Variants in TTN observed in about 807,000 individuals in gnomAD.
TTN encodes titin, also known as connectin.
In TTN, 1,525 loss-of-function variants were observed where a neutral mutation model predicts 3,223.0. That is an observed-to-expected ratio of 0.47 (90% confidence interval 0.45 to 0.49). The LOEUF is 0.49. Among genes scored for constraint, TTN ranks in the 20% least tolerant of loss-of-function variants. The pLI, the probability that TTN is intolerant of heterozygous loss-of-function variation, is 0.00. For missense variants in TTN, 40,786 were observed against 43,424.0 expected, an observed-to-expected ratio of 0.94 and a Z score of 5.40; for synonymous variants, 14,094 against 15,161.0, an observed-to-expected ratio of 0.93 and a Z score of 5.17.
At position 178,775,015 on chromosome 2, in the gene TTN, G is replaced by A. The variant is rs1421579071; in HGVS notation, c.6696C>T (p.Ser2232=). Residue 2232 remains serine, a synonymous_variant, in exon 29 of 363, where the codon TCC becomes TCT. Coordinates refer to ENST00000589042, the MANE Select transcript of TTN (RefSeq NM_001267550.2). ...CATCAGACGTATCAATGGTCAGTAT[G>A]GAGAGGAAGTGAACCTTTCTGTCAG... ...MHSDRKVHFL[S]ILTIDTSDAE... 1 of 1,613,946 alleles carries A rather than the reference G, an allele frequency of 6.2e-7. No individual in the cohort carries two copies. The highest frequency in any genetic ancestry group is 1.7e-5 in the Admixed American group (1 of 60,004).
chr2:178,701,293 T>C, intron 110 of TTN, 90 bp from the exon 111 acceptor site: 4 of 1,227,792 alleles, frequency 3.3e-6, no homozygotes, highest in Middle Eastern at 2.0e-4. Flanking sequence ...CTTTCAGTAC[T>C]TCATAGGTAT....
At position 178,740,412 on chromosome 2, in the gene TTN, C is replaced by T. The variant is rs200348414; in HGVS notation, c.12821G>A (p.Ser4274Asn). 1.6e-4 allele frequency: 255 copies of T among 1,612,978 alleles called. 1 individual carries two copies. The highest frequency in any genetic ancestry group is 2.1e-4 in the Non-Finnish European group (244 of 1,179,478). Residue 4274 changes from serine (S) to asparagine (N), a missense_variant, in exon 48 of 363, where the codon AGT (serine) becomes AAT (asparagine). Coordinates refer to ENST00000589042, the MANE Select transcript of TTN (RefSeq NM_001267550.2). ...GATCATGACATCAGGACTCTGGAGA[C>T]TCTCCACGTGTCCCTCAGCTAAGCT... ...SQSLAEGHVE[S>N]LQSPDVMISQ...
Position 178,800,552 on chromosome 2 carries a change from G to C in TTN, c.426C>G (p.Ala142=). ...TPVVKFYRDG[A]EIQSSLDFQI... ...GGAAATCAAGGGAGCTCTGGATTTCGGCTCCATCCCGGTAGAACTTCACCA... is the reference window on the plus strand; with the variant it reads ...GGAAATCAAGGGAGCTCTGGATTTCCGCTCCATCCCGGTAGAACTTCACCA... Residue 142 remains alanine, a synonymous_variant, in exon 4 of 363, where the codon GCC becomes GCG. Coordinates refer to ENST00000589042, the MANE Select transcript of TTN (RefSeq NM_001267550.2). The C allele has an allele frequency of 1.9e-6, 3 of 1,614,108 alleles. No homozygotes were observed. The highest frequency in any genetic ancestry group is 2.5e-6 in the Non-Finnish European group (3 of 1,180,002).
intron 29 of TTN, 67 bp from the exon 30 acceptor site, chr2:178,774,540 G>A: frequency 6.7e-7 from 1 of 1,493,880 alleles, no homozygotes; most frequent in Non-Finnish European, 9.2e-7. Context: ...TTAGGATAGA[G>A]ATGATGTCTT....
rs55886356 is a variant in TTN at position 178,534,849 on chromosome 2, C to G, written c.101766G>C (p.Gln33922His). 16,124 of 1,608,876 alleles carry G rather than the reference C, an allele frequency of 0.01. 112 individuals carry two copies. Among genetic ancestry groups the G allele is most frequent in the Admixed American group, 0.012 (748 of 60,000 alleles). ...NEREIVSYVH[Q>H]VCEALQFLHS... ...GTAAAAACTGAAGTGCTTCACAGAC[C>G]TGGTGAACATAACTTACAATTTCTC... The change falls in exon 358 of 363, where the codon CAG (glutamine) becomes CAC (histidine). Residue 33922 changes from glutamine to histidine, a missense_variant. Coordinates refer to ENST00000589042, the MANE Select transcript of TTN (RefSeq NM_001267550.2).
At position 178,538,528 on chromosome 2, in the gene TTN, A is replaced by T; in HGVS notation, c.99289+12T>A. ...TTTGTAAATCATAAGTAGAGAACCA[A>T]AGGCTACTTACATGTGAGTTTAGTC... On this transcript the variant is annotated intron_variant, in intron 354 of 362. Transcript: ENST00000589042. 6.3e-7 allele frequency: 1 copy of T among 1,597,368 alleles called. No individual in the cohort carries two copies. Among genetic ancestry groups the T allele is most frequent in the South Asian group, 1.1e-5 (1 of 88,558 alleles).
At chr2:178,738,546 C>CT (rs869147361) in intron 48 of TTN, among the ~76,000 whole-genome samples, 186 bp from the exon 49 acceptor site, 21 of 151,974 alleles carry the variant, frequency 1.4e-4, no homozygotes, top group Non-Finnish European at 2.8e-4. Flanking sequence ...AGACAATAAG[C>CT]TTTTTTTAAA....
Position 178,608,662 on chromosome 2 carries a change from C to T in TTN, c.52349G>A (p.Arg17450Lys), listed in dbSNP as rs778572247. The T allele has an allele frequency of 9.9e-6, 16 of 1,612,050 alleles. No individual in the cohort carries two copies. In the East Asian group the frequency reaches 3.4e-4, roughly 34 times the overall value. The change falls in exon 274 of 363, where the codon AGA becomes AAA. Residue 17450 changes from arginine (R) to lysine (K), a missense_variant. Transcript: ENST00000589042. ...EYLFRVRAEN[R>K]FGPGPPCVSK... ...AACACATGGTGGACCTGGCCCAAATCTGTTTTCAGCTCTTACACGGAAGAG... is the reference window on the plus strand; with the variant it reads ...AACACATGGTGGACCTGGCCCAAATTTGTTTTCAGCTCTTACACGGAAGAG...
Position 178,733,492 on chromosome 2 carries a change from T to G in TTN, c.15801A>C (p.Ala5267=), listed in dbSNP as rs528429168. The G allele has an allele frequency of 6.2e-7, 1 of 1,611,842 alleles. No individual in the cohort carries two copies. Among genetic ancestry groups the G allele is most frequent in the South Asian group, 1.1e-5 (1 of 90,932 alleles). Residue 5267 remains alanine (A), a synonymous_variant, in exon 54 of 363, where the codon GCA becomes GCC. Transcript: ENST00000589042. ...VKEPAKIIER[A]ELIQVTAGDP... ...CTCCTGCTGTCACCTGGATCAGTTC[T>G]GCTCGCTCAATGATTTTGGCAGGTT...
At position 178,553,277 on chromosome 2, in the gene TTN, T is replaced by G. The variant is rs1700097598; in HGVS notation, c.89623A>C (p.Lys29875Gln). The change falls in exon 335 of 363, where the codon AAA (lysine) becomes CAA (glutamine). Residue 29875 changes from lysine (K) to glutamine (Q), a missense_variant. Transcript: ENST00000589042. ...GRPPPTVTWR[K>Q]DEKNLGSDAR... ...TCACTGCCAAGATTCTTCTCATCTT[T>G]TCTCCATGTGACAGTAGGTGGAGGT... 1 of 1,611,052 alleles carries G rather than the reference T, an allele frequency of 6.2e-7. No individual in the cohort carries two copies. Among genetic ancestry groups the G allele is most frequent in the Non-Finnish European group, 8.5e-7 (1 of 1,179,822 alleles).
At chr2:178,749,811 C>T in intron 47 of TTN, 1 of 1,613,144 alleles carries the variant, frequency 6.2e-7, no homozygotes. Flanking sequence ...TTTAAAAGGA[C>T]TCCATTTTGA....
In TTN at chr2:178,563,751, C is replaced by T; in HGVS notation, c.82381G>A (p.Val27461Ile). 6.2e-7 allele frequency: 1 copy of T among 1,613,724 alleles called. No homozygotes were observed. The highest frequency in any genetic ancestry group is 8.5e-7 in the Non-Finnish European group (1 of 1,179,772). ...GIGEPLESGP[V>I]TACNPYKPPG... ...GGCTTATAAGGATTACAGGCCGTAA[C>T]AGGCCCAGATTCCAAGGGCTCTCCA... The change falls in exon 326 of 363, where the codon GTT (valine) becomes ATT (isoleucine). Residue 27461 changes from valine to isoleucine, a missense_variant. Physicochemically the swap from Val to Ile is conservative, Grantham distance 29 (BLOSUM62 3). Coordinates refer to ENST00000589042, the MANE Select transcript of TTN (RefSeq NM_001267550.2). This position sits in a 1 kb window ranked among gnomAD's most constrained non-coding sequence, Gnocchi z 4.5.
rs531271853 is a variant in TTN, at chr2:178,757,760, C to G, written c.10460G>C (p.Arg3487Thr). The G allele has an allele frequency of 6.2e-7, 1 of 1,613,658 alleles. No homozygotes were observed. Among genetic ancestry groups the G allele is most frequent in the South Asian group, 1.1e-5 (1 of 91,082 alleles). Residue 3487 changes from arginine (R) to threonine (T), a missense_variant, in exon 45 of 363, where the codon AGG becomes ACG. Arg to Thr is a moderately conservative substitution (Grantham distance 71). Transcript: ENST00000589042. ...HNGETVRFHARVSGIPKPEIQ... is the reference protein window; with the variant it reads ...HNGETVRFHATVSGIPKPEIQ... Reference sequence around the variant, plus strand: ...TTCTGGCTTGGGAATGCCAGAAACCCTCGCATGAAATCTGACTGTCTCCCC... The same window carrying G: ...TTCTGGCTTGGGAATGCCAGAAACCGTCGCATGAAATCTGACTGTCTCCCC...
chr2:178,629,431 C>T lies in TTN; in HGVS notation c.44294G>A (p.Gly14765Asp), dbSNP rs772788193. Residue 14765 changes from glycine to aspartate, a missense_variant, in exon 240 of 363, where the codon GGT becomes GAT. Physicochemically the swap from Gly to Asp is moderately conservative, Grantham distance 94 (BLOSUM62 -1). Coordinates refer to ENST00000589042, the MANE Select transcript of TTN (RefSeq NM_001267550.2). ...AHLRVKPRVI[G>D]LLRPLKDVTV... ...GACATCCTTTAAAGGCCTCAGAAGA[C>T]CAATTACTCGTGCTTTTCGAGAGGG... The T allele has an allele frequency of 2.5e-6, 4 of 1,612,820 alleles. No individual in the cohort carries two copies. The highest frequency in any genetic ancestry group is 1.7e-5 in the Admixed American group (1 of 59,946).
In TTN at chr2:178,741,371, A is replaced by T. The variant is rs749519968; in HGVS notation, c.11862T>A (p.Pro3954=). 5 of 1,613,910 alleles carry T rather than the reference A, an allele frequency of 3.1e-6. No homozygotes were observed. The Admixed American group carries it at 8.3e-5, about 27-fold the overall frequency. ...LKPIRCAQGL[P]AIFEYTVVGE... is the part of the protein sequence containing the mutation. ...CAACCACTGTGTACTCAAAGATGGC[A>T]GGAAGCCCTTGAGCACAGCGAATTG... The change falls in exon 48 of 363, where the codon CCT becomes CCA. Residue 3954 remains proline (P), a synonymous_variant. Transcript: ENST00000589042.
chr2:178,572,979 T>C lies in TTN; in HGVS notation c.73153A>G (p.Thr24385Ala), dbSNP rs1403922674. 9 of 1,613,084 alleles carry C rather than the reference T, an allele frequency of 5.6e-6. No homozygotes were observed. Among genetic ancestry groups the C allele is most frequent in the African/African-American group, 1.3e-5 (1 of 74,906 alleles). Residue 24385 changes from threonine (T) to alanine (A), a missense_variant, in exon 326 of 363, where the codon ACT (threonine) becomes GCT (alanine). By Grantham distance (58) the Thr-to-Ala change is moderately conservative. Coordinates refer to ENST00000589042, the MANE Select transcript of TTN (RefSeq NM_001267550.2). ...TGATTCTCTGTGAGGCCAGTGATAG[T>C]ATACGAAGTTGCCTTGAGTCCTGCT... ...PPAGLKATSY[T>A]ITGLTENQEY...
At chr2:178,772,226 A>C (rs1275314556) in intron 33 of TTN, among the ~76,000 whole-genome samples, 1 of 152,198 alleles carries the variant, frequency 6.6e-6, no homozygotes, top group Non-Finnish European at 1.5e-5. Context: ...GCTGAATCTG[A>C]AATTTTGTTT....
intron 242 of TTN, 95 bp from the exon 243 acceptor site, chr2:178,622,862 A>G: frequency 2.1e-6 from 2 of 971,090 alleles, no homozygotes; most frequent in Non-Finnish European, 3.1e-6. Context: ...ACTCTTTTTT[A>G]GGGATTTTCC....
chr2:178,537,039 G>T lies in TTN; in HGVS notation c.100070C>A (p.Thr33357Lys). ...SVTTCRIVNL[T>K]ENAGYYFRVS... ...CCGGAAGTAATAGCCAGCATTTTCTGTGAGGTTCACAATTCTACAGGTTGT... is the reference window on the plus strand; with the variant it reads ...CCGGAAGTAATAGCCAGCATTTTCTTTGAGGTTCACAATTCTACAGGTTGT... Residue 33357 changes from threonine (T) to lysine (K), a missense_variant, in exon 356 of 363, where the codon ACA becomes AAA. Physicochemically the swap from Thr to Lys is moderately conservative, Grantham distance 78. Coordinates refer to ENST00000589042, the MANE Select transcript of TTN (RefSeq NM_001267550.2). The T allele has an allele frequency of 5.6e-6, 9 of 1,613,192 alleles. No homozygotes were observed. The highest frequency in any genetic ancestry group is 7.6e-6 in the Non-Finnish European group (9 of 1,179,526).
Sources: gnomAD v4.1 joint callset for allele counts (sites outside exome capture counted in the v4.1 genomes callset) on GRCh38, gnomAD v4.1.1 for gene constraint, Gnocchi (gnomAD v3.1) non-coding constraint, MANE v1.5 for transcripts, NCBI Gene and HGNC (gene_info 2026-07-23, HGNC 2026-07-21) for gene names.